DNAH8: variants seen among roughly 807,000 people sequenced by gnomAD.
DNAH8 encodes the protein axonemal beta dynein heavy chain 8.
Under a neutral mutation model 562.1 loss-of-function variants are expected in DNAH8, and 382 were observed. That is an observed-to-expected ratio of 0.68 (90% CI 0.63 to 0.74). DNAH8 has a LOEUF of 0.74. Ranked by LOEUF, DNAH8 falls within the 30% of genes least tolerant of loss-of-function variation. DNAH8 has a pLI of 0.00. For missense variants in DNAH8, 5,203 were observed against 5,620.4 expected (o/e 0.93, Z 2.37); for synonymous variants, 1,881 against 1,919.4 (o/e 0.98, Z 0.52).
intron 3 of DNAH8, among the ~76,000 whole-genome samples, chr6:38,725,782 G>A (rs1763170976): frequency 6.6e-6 from 1 of 152,134 alleles, no homozygotes; most frequent in African/African-American, 2.4e-5. Context: ...TGAAGTTCTT[G>A]ATAATTTTTT....
rs1031387604 is a variant in DNAH8 at position 38,924,314 on chromosome 6, C to T, written c.10962+152C>T. The T allele has an allele frequency of 1.1e-4, 75 of 681,096 alleles. 1 individual carries two copies. The highest frequency in any genetic ancestry group is 1.7e-4 in the Non-Finnish European group (71 of 413,926). The allele number at this position is 681,096 out of a possible 1,614,324, so 42.2% of individuals were successfully genotyped here. A position where few individuals can be genotyped will look rare whatever the true frequency, so the allele number is the denominator to read the frequency against. On this transcript the variant is annotated intron_variant, in intron 73 of 92. Coordinates refer to ENST00000327475, the MANE Select transcript of DNAH8 (RefSeq NM_001206927.2). The stretch of plus-strand genomic sequence containing the variant: ...GATCATGAGGTCAGGAGTTCAAGAC[C>T]AGCCTAACCAACATGGTGAAATCCC...
chr6:38,927,188 G>T (rs114192643), intron 74 of DNAH8, among the ~76,000 whole-genome samples: 1 of 152,158 alleles, frequency 6.6e-6, no homozygotes, highest in African/African-American at 2.4e-5. Flanking sequence ...AATATGAAAA[G>T]AAGCACTTGG....
intron 74 of DNAH8, 158 bp from the exon 75 acceptor site, chr6:38,929,353 A>T: frequency 1.5e-6 from 1 of 674,998 alleles, no homozygotes; most frequent in Non-Finnish European, 2.3e-6. Context: ...ACCAAGTTTT[A>T]GAAATTAATT....
intron 22 of DNAH8, among the ~76,000 whole-genome samples, chr6:38,803,536 C>T (rs1252743606): frequency 1.3e-5 from 2 of 151,420 alleles, no homozygotes; most frequent in East Asian, 1.9e-4. Context: ...TTCCCAACCC[C>T]GGTCCAGCGT....
At chr6:38,839,895 C>T (rs1487406842) in intron 33 of DNAH8, among the ~76,000 whole-genome samples, 3 of 152,218 alleles carry the variant, frequency 2.0e-5, no homozygotes, top group Non-Finnish European at 2.9e-5. Context: ...CTCCTGACCT[C>T]AGATGATCTG....
intron 35 of DNAH8, among the ~76,000 whole-genome samples, chr6:38,844,954 C>T (rs1302054266): frequency 2.6e-5 from 4 of 152,298 alleles, no homozygotes; most frequent in South Asian, 2.1e-4. Flanking sequence ...TTTGTGGAAA[C>T]ATCTCACACC....
Position 38,782,875 on chromosome 6 carries a change from T to C in DNAH8, c.2260-129T>C, listed in dbSNP as rs1768777574. The C allele has an allele frequency of 1.1e-5, 9 of 821,312 alleles. No homozygotes were observed. In the South Asian group the frequency reaches 1.6e-4, roughly 15 times the overall value. 50.9% of individuals were successfully genotyped at this position (821,312 alleles called of 1,614,324 possible). On this transcript the variant is annotated intron_variant, in intron 16 of 92. Transcript: ENST00000327475. ...GATATGGCCTTCCCCATCTCTGTTT[T>C]ACTGTGAGGCAGAATCTAAACTGGT...
intron 18 of DNAH8, among the ~76,000 whole-genome samples, chr6:38,789,363 T>A (rs1769481562): frequency 6.6e-6 from 1 of 152,150 alleles, no homozygotes; most frequent in Admixed American, 6.5e-5. Context: ...TAAAACAACA[T>A]CTAAGAGATA....
intron 1 of DNAH8, among the ~76,000 whole-genome samples, chr6:38,718,233 C>G (rs1762489228): frequency 6.6e-6 from 1 of 152,080 alleles, no homozygotes; most frequent in African/African-American, 2.4e-5. Flanking sequence ...TAGTGAACCA[C>G]CAACCTTGTG....
intron 12 of DNAH8, among the ~76,000 whole-genome samples, chr6:38,771,664 A>G (rs999704484): frequency 2.0e-5 from 3 of 152,310 alleles, no homozygotes; most frequent in East Asian, 3.9e-4. Flanking sequence ...TTTTGTGGCT[A>G]CTTTCACTTA....
At chr6:38,974,975 G>A (rs1262131404) in intron 85 of DNAH8, among the ~76,000 whole-genome samples, 1 of 152,202 alleles carries the variant, frequency 6.6e-6, no homozygotes, top group Non-Finnish European at 1.5e-5. Context: ...TCCCAAAGAT[G>A]TTAAGTACTC....
chr6:38,871,326 A>G (rs1483210500), intron 49 of DNAH8, among the ~76,000 whole-genome samples: 2 of 152,214 alleles, frequency 1.3e-5, no homozygotes, highest in East Asian at 3.9e-4. Context: ...ATGGGGGAAA[A>G]GTCTTTTTCA....
chr6:38,864,083 C>G, intron 45 of DNAH8, 23 bp downstream of exon 45: 1 of 1,588,876 alleles, frequency 6.3e-7, no homozygotes, highest in Non-Finnish European at 8.6e-7. Context: ...GCTTTAAATG[C>G]AATTTAATTA....
intron 66 of DNAH8, among the ~76,000 whole-genome samples, chr6:38,912,182 G>A (rs1427157316): frequency 6.6e-6 from 1 of 152,126 alleles, no homozygotes; most frequent in Non-Finnish European, 1.5e-5. Flanking sequence ...AAACTTGAGG[G>A]GCTGAGTATG....
At chr6:39,011,368 C>T (rs1561973807) in intron 89 of DNAH8, among the ~76,000 whole-genome samples, 1 of 152,332 alleles carries the variant, frequency 6.6e-6, no homozygotes, top group South Asian at 2.1e-4. Context: ...TGGATTGATA[C>T]CTCACTTTGA....
chr6:39,021,256 C>G (rs748510985), intron 91 of DNAH8, among the ~76,000 whole-genome samples: 1 of 152,198 alleles, frequency 6.6e-6, no homozygotes, highest in Non-Finnish European at 1.5e-5. Flanking sequence ...GTCTGTATCA[C>G]CTGGGAGCTT....
intron 88 of DNAH8, among the ~76,000 whole-genome samples, chr6:38,998,562 G>C (rs542525139): frequency 1.3e-5 from 2 of 152,260 alleles, no homozygotes; most frequent in Admixed American, 1.3e-4. Context: ...TTGAGATTTA[G>C]ATTTTTTGAA....
Position 38,911,386 on chromosome 6 carries a change from A to T in DNAH8, c.9741-82A>T, listed in dbSNP as rs1780881750. ...CTAGTGAATCACTCTACATGATCAC[A>T]CTGATTTCACCTTGGGAAAGGTGTC... On this transcript the variant is annotated intron_variant, in intron 65 of 92. Coordinates refer to ENST00000327475, the MANE Select transcript of DNAH8 (RefSeq NM_001206927.2). 6.9e-6 allele frequency: 7 copies of T among 1,015,898 alleles called. No individual in the cohort carries two copies. In the East Asian group the frequency reaches 1.7e-4, roughly 24 times the overall value. The allele number at this position is 1,015,898 out of a possible 1,614,324, so 62.9% of individuals were successfully genotyped here.
At chr6:38,935,961 T>C (rs1417477094) in intron 77 of DNAH8, among the ~76,000 whole-genome samples, 1 of 152,132 alleles carries the variant, frequency 6.6e-6, no homozygotes, top group African/African-American at 2.4e-5. Context: ...GGGCTCCTGA[T>C]AGAGCTAGAT....
Sources: gnomAD v4.1 joint callset for allele counts (sites outside exome capture counted in the v4.1 genomes callset) on GRCh38, gnomAD v4.1.1 for gene constraint, MANE v1.5 for transcripts, NCBI Gene and HGNC (gene_info 2026-07-23, HGNC 2026-07-21) for gene names.